Variants in C4orf50 observed in about 807,000 individuals in gnomAD.
C4orf50 encodes the protein uncharacterized protein C4orf50.
C4orf50 carries 80 observed loss-of-function variants against 77.2 expected under a neutral mutation model. The observed-to-expected ratio is 1.04, with a 90% CI of 0.87 to 1.25. The LOEUF (loss-of-function observed/expected upper bound fraction) is 1.25, where lower values mean the gene tolerates loss of function less well. Ranked by LOEUF, C4orf50 falls within the 50% of genes most tolerant of loss-of-function variation. C4orf50 has a pLI of 0.00. For synonymous variants in C4orf50, 532 were observed against 465.3 expected, an observed-to-expected ratio of 1.14 and a Z score of -1.84; for missense variants, 1,257 against 1,152.9, an observed-to-expected ratio of 1.09 and a Z score of -1.31.
chr4:5,988,740 T>C, exon 28 of C4orf50: 1 of 1,536,136 alleles, frequency 6.5e-7, no homozygotes, highest in Non-Finnish European at 8.7e-7. Context: ...GCAAGGTGAC[T>C]TCCCTCTCCA....
intron 7 of C4orf50, among the ~76,000 whole-genome samples, chr4:5,933,701 T>C (rs957918969): frequency 1.3e-5 from 2 of 151,976 alleles, no homozygotes; most frequent in African/African-American, 4.8e-5. Flanking sequence ...CCTGCGGAGC[T>C]CGGGTGCCCA....
chr4:5,952,154 G>A (rs1334267119), downstream of C4orf50, among the ~76,000 whole-genome samples: 1 of 152,188 alleles, frequency 6.6e-6, no homozygotes, highest in Non-Finnish European at 1.5e-5. This position sits in a 1 kb window ranked among gnomAD's most constrained non-coding sequence, Gnocchi z 4.4. Flanking sequence ...AGCTGCCAAC[G>A]AACCAGGGTC....
At chr4:5,907,146 G>A (rs1716585706) in intron 7 of C4orf50, among the ~76,000 whole-genome samples, 1 of 152,186 alleles carries the variant, frequency 6.6e-6, no homozygotes, top group Non-Finnish European at 1.5e-5. Context: ...AACAAGTTAA[G>A]CTTGTAGTAA....
At chr4:5,989,697 G>A in exon 28 of C4orf50, 1 of 1,536,148 alleles carries the variant, frequency 6.5e-7, no homozygotes, top group Non-Finnish European at 8.7e-7. Flanking sequence ...CATGATCAGT[G>A]GGTTCGGCCC....
Position 6,008,245 on chromosome 4 carries a change from C to T in C4orf50, c.714G>A (p.Ala238=). 2 of 395,364 alleles carry T rather than the reference C, an allele frequency of 5.1e-6. No individual in the cohort carries two copies. The highest frequency in any genetic ancestry group is 8.9e-6 in the Non-Finnish European group (2 of 223,926). The allele number at this position is 395,364 out of a possible 1,614,324, so 24.5% of individuals were successfully genotyped here. A position where few individuals can be genotyped will look rare whatever the true frequency, so the allele number is the denominator to read the frequency against. Residue 238 remains alanine (A), a synonymous_variant, in exon 25 of 34, where the codon GCG becomes GCA. Transcript: ENST00000531445. The surrounding 1 kb of genome is among the most constrained non-coding windows in gnomAD (Gnocchi z 6.0). ...CCCTCGCCTGCAGGGCGCGCAGTTC[C>T]GCAGCCGCCTCGGTGGCGCCCTGGG...
intron 32 of C4orf50, among the ~76,000 whole-genome samples, chr4:5,966,934 C>T (rs1409118767): frequency 6.6e-6 from 1 of 152,228 alleles, no homozygotes; most frequent in African/African-American, 2.4e-5. Context: ...AGGCGTGAGC[C>T]ACTGCGCCTG....
chr4:5,988,952 G>A lies in C4orf50; in HGVS notation c.3094C>T (p.Gln1032Ter), dbSNP rs1395552175. Residue 1032 changes from glutamine to a stop codon, truncating the protein, a stop_gained, in exon 28 of 34, where the codon CAG becomes TAG. Transcript: ENST00000531445. LOFTEE classifies it high-confidence loss of function. ...CTGACACTCTCAGACGTGGCTTTCT[G>A]GAGTTGGCCCAGATTCCCTTTCAGT... 2 of 1,535,918 alleles carry A rather than the reference G, an allele frequency of 1.3e-6. No homozygotes were observed. Among genetic ancestry groups the A allele is most frequent in the African/African-American group, 1.4e-5 (1 of 72,998 alleles).
chr4:5,979,613 C>G (rs1226561162), intron 29 of C4orf50, among the ~76,000 whole-genome samples: 5 of 152,122 alleles, frequency 3.3e-5, no homozygotes, highest in African/African-American at 9.7e-5. Context: ...TAATACAGAG[C>G]CCTCTTGTAC....
In C4orf50 at chr4:5,975,161, A is replaced by AC. The variant is rs1560575603; in HGVS notation, c.3921+737_3921+738insG. Among the ~76,000 whole-genome samples the AC allele has an allele frequency of 2.3e-3, 267 of 114,056 alleles. 3 individuals are homozygous for AC. Among genetic ancestry groups the AC allele is most frequent in the African/African-American group, 9.4e-3 (258 of 27,338 alleles). The allele number at this position is 114,056 out of a possible 152,430, so 74.8% of individuals were successfully genotyped here. A position where few individuals can be genotyped will look rare whatever the true frequency, so the allele number is the denominator to read the frequency against. The stretch of plus-strand genomic sequence containing the variant: ...TCTCAAAAAAAAAAAAAAAAAAAAA[A>AC]AAAAAAAAAAAAAAAAACTACATCA... On this transcript the variant is annotated intron_variant, in intron 30 of 33. Coordinates refer to ENST00000531445, the Ensembl canonical transcript of C4orf50.
At chr4:5,987,134 C>T (rs537072172) in intron 28 of C4orf50, among the ~76,000 whole-genome samples, 3 of 152,024 alleles carry the variant, frequency 2.0e-5, no homozygotes, top group South Asian at 4.2e-4. Flanking sequence ...AATAAGGCCT[C>T]GTACGGTGGC....
chr4:5,983,777 C>G (rs1007665946), intron 28 of C4orf50, among the ~76,000 whole-genome samples: 3 of 152,134 alleles, frequency 2.0e-5, no homozygotes, highest in Non-Finnish European at 4.4e-5. Context: ...AGAAATAGAG[C>G]TTGGAGTTTA....
Position 5,992,977 on chromosome 4 carries a change from C to CT in C4orf50, c.1094-48dup. The CT allele has an allele frequency of 5.0e-6, 2 of 398,636 alleles. No individual in the cohort carries two copies. The highest frequency in any genetic ancestry group is 8.9e-6 in the Non-Finnish European group (2 of 225,906). The allele number at this position is 398,636 out of a possible 1,614,324, so 24.7% of individuals were successfully genotyped here. A position where few individuals can be genotyped will look rare whatever the true frequency, so the allele number is the denominator to read the frequency against. On this transcript the variant is annotated intron_variant, in intron 26 of 33. Coordinates refer to ENST00000531445, the Ensembl canonical transcript of C4orf50. This position sits in a 1 kb window ranked among gnomAD's most constrained non-coding sequence, Gnocchi z 5.0. ...GGGGTTACAAAGATGCTCCCAGGGG[C>CT]TCTGCCATGATCGCCTCTAGGGACC...
chr4:5,996,528 C>T (rs1440039041), intron 25 of C4orf50, among the ~76,000 whole-genome samples: 1 of 151,526 alleles, frequency 6.6e-6, no homozygotes, highest in Non-Finnish European at 1.5e-5. Context: ...ACTGTCTGGA[C>T]CTCTCTTCCC....
At chr4:6,012,827 G>A (rs1178037151) in intron 23 of C4orf50, among the ~76,000 whole-genome samples, 4 of 152,238 alleles carry the variant, frequency 2.6e-5, no homozygotes, top group African/African-American at 7.2e-5. Flanking sequence ...GTCTCCCACT[G>A]TGCCTAGTTT....
At chr4:5,930,881 A>C (rs10937695) in intron 7 of C4orf50, among the ~76,000 whole-genome samples, 48,764 of 152,182 alleles carry the variant, frequency 0.32, 9,729 homozygotes, top group East Asian at 0.78. Context: ...GTTGAAAGAC[A>C]TAAGTGGAAG....
chr4:5,987,412 CAAA>C (rs58512584), intron 28 of C4orf50, among the ~76,000 whole-genome samples: 160 of 33,612 alleles, frequency 4.8e-3, no homozygotes, highest in African/African-American at 0.014. Context: ...CTCTGTCTCA[CAAA>C]AAAAAAAAAA....
intron 28 of C4orf50, among the ~76,000 whole-genome samples, chr4:5,984,074 G>C (rs766808931): frequency 6.6e-6 from 1 of 152,226 alleles, no homozygotes; most frequent in Non-Finnish European, 1.5e-5. Context: ...ATATCACTGA[G>C]AGGCCATGCC....
chr4:5,961,263 C>A (rs545438049), intron 33 of C4orf50, among the ~76,000 whole-genome samples: 12 of 152,234 alleles, frequency 7.9e-5, no homozygotes, highest in African/African-American at 2.9e-4. Context: ...TGCAGTGAGC[C>A]GAGATCGTGC....
chr4:5,959,747 T>C (rs1457902801), intron 33 of C4orf50, 121 bp from the exon 12 acceptor site: 2 of 1,212,840 alleles, frequency 1.6e-6, no homozygotes, highest in East Asian at 5.1e-5. Flanking sequence ...GGGCACTTTC[T>C]GTGCCTGGCA....
Sources: allele counts gnomAD v4.1 joint callset (sites outside exome capture counted in the v4.1 genomes callset), GRCh38; gene constraint gnomAD v4.1.1; non-coding constraint Gnocchi (gnomAD v3.1); transcripts MANE v1.5; gene names NCBI Gene and HGNC (gene_info 2026-07-23, HGNC 2026-07-21).